XKR4: variants seen among roughly 807,000 people sequenced by gnomAD.
XKR4 encodes the protein XK related 4.
In XKR4, 12 loss-of-function variants were observed where a neutral mutation model predicts 53.9. The observed-to-expected ratio is 0.22, with a 90% CI of 0.14 to 0.36. The LOEUF (loss-of-function observed/expected upper bound fraction) is 0.36, where lower values mean the gene tolerates loss of function less well. Among genes scored for constraint, XKR4 ranks in the 10% least tolerant of loss-of-function variants. XKR4 has a pLI of 1.00. For synonymous variants in XKR4, 354 were observed against 362.4 expected (o/e 0.98, Z 0.26); for missense variants, 799 against 859.5 (o/e 0.93, Z 0.88).
chr8:55,179,062 G>A (rs1046919762), intron 1 of XKR4, among the ~76,000 whole-genome samples: 1 of 152,128 alleles, frequency 6.6e-6, no homozygotes, highest in African/African-American at 2.4e-5. Flanking sequence ...GAGGAAGAGG[G>A]CTTAAATATG....
At chr8:55,169,362 T>G (rs1431942927) in intron 1 of XKR4, among the ~76,000 whole-genome samples, 2 of 152,230 alleles carry the variant, frequency 1.3e-5, no homozygotes, top group Non-Finnish European at 2.9e-5. Flanking sequence ...ATGGCAGTAA[T>G]GCCCATCCGT....
At chr8:55,289,851 G>GGAAAGAAAAAGAAA in intron 1 of XKR4, among the ~76,000 whole-genome samples, 1 of 135,706 alleles carries the variant, frequency 7.4e-6, no homozygotes, top group East Asian at 2.2e-4. Context: ...AAAGAAAGAA[G>GGAAAGAAAAAGAAA]GAAAGAAAGA....
At chr8:55,466,164 G>T (rs954524397) in intron 2 of XKR4, among the ~76,000 whole-genome samples, 3 of 152,132 alleles carry the variant, frequency 2.0e-5, no homozygotes, top group African/African-American at 7.2e-5. Context: ...TATAAATCAT[G>T]CTGCTATAAA....
chr8:55,373,504 C>A (rs990991300), intron 2 of XKR4, among the ~76,000 whole-genome samples: 1 of 152,142 alleles, frequency 6.6e-6, no homozygotes, highest in African/African-American at 2.4e-5. Flanking sequence ...ATAGTATTAC[C>A]GGTTCAAATG....
chr8:55,140,172 CT>C, intron 1 of XKR4: 1 of 429,180 alleles, frequency 2.3e-6, no homozygotes, highest in South Asian at 1.7e-5. Flanking sequence ...GACTGAGTGT[CT>C]TTTCTTCTTT....
At chr8:55,177,108 C>G (rs554564828) in intron 1 of XKR4, among the ~76,000 whole-genome samples, 94 of 151,730 alleles carry the variant, frequency 6.2e-4, no homozygotes, top group African/African-American at 2.3e-3. Context: ...ACGATCTAAG[C>G]TCACTGCAAC....
intron 1 of XKR4, among the ~76,000 whole-genome samples, chr8:55,261,275 T>C: frequency 6.6e-6 from 1 of 152,128 alleles, no homozygotes; most frequent in Admixed American, 6.5e-5. Flanking sequence ...GGAAAAGAAA[T>C]GGGTCAGACA....
chr8:55,393,738 C>T (rs1563339666), intron 2 of XKR4, among the ~76,000 whole-genome samples: 1 of 152,132 alleles, frequency 6.6e-6, no homozygotes, highest in East Asian at 1.9e-4. Context: ...GCTGAAAATC[C>T]TAAACATAGA....
chr8:55,519,195 A>G (rs1462194126), intron 2 of XKR4, among the ~76,000 whole-genome samples: 1 of 152,162 alleles, frequency 6.6e-6, no homozygotes, highest in Admixed American at 6.5e-5. Context: ...CTTATCACCT[A>G]TTTTCACATT....
intron 1 of XKR4, among the ~76,000 whole-genome samples, chr8:55,222,054 C>T (rs1817888545): frequency 6.6e-6 from 1 of 152,194 alleles, no homozygotes; most frequent in Non-Finnish European, 1.5e-5. Context: ...AGAGTGCCCC[C>T]TGCCCACTTA....
chr8:55,171,504 AGC>A (rs1422734609), intron 1 of XKR4, among the ~76,000 whole-genome samples: 1 of 152,156 alleles, frequency 6.6e-6, no homozygotes, highest in African/African-American at 2.4e-5. Context: ...CCTGGTGACC[AGC>A]TTAGGTCTCC....
chr8:55,333,738 A>T lies in XKR4; in HGVS notation c.807-23940A>T, dbSNP rs141437643. ...GTGACACAGAGACCATTATCTGAAG[A>T]TGTCCCCAGACAAGGTAGAATGTTA... On this transcript the variant is annotated intron_variant, in intron 1 of 2. Coordinates refer to ENST00000327381, the MANE Select transcript of XKR4 (RefSeq NM_052898.2). 1.5e-4 allele frequency among the ~76,000 whole-genome samples: 23 copies of T among 152,240 alleles called. No individual in the cohort carries two copies. The East Asian group carries it at 4.4e-3, about 29-fold the overall frequency.
intron 1 of XKR4, among the ~76,000 whole-genome samples, chr8:55,207,760 CA>C (rs1306950860): frequency 4.7e-5 from 1 of 21,166 alleles, no homozygotes. Flanking sequence ...AAGAGGAATA[CA>C]GGGGGAGGGG....
intron 1 of XKR4, among the ~76,000 whole-genome samples, chr8:55,262,825 A>G (rs1818546170): frequency 6.6e-6 from 1 of 152,258 alleles, no homozygotes; most frequent in African/African-American, 2.4e-5. Flanking sequence ...AGGATGTGAG[A>G]TCAAGAAACT....
chr8:55,182,042 C>T (rs1317866089), intron 1 of XKR4, among the ~76,000 whole-genome samples: 1 of 152,166 alleles, frequency 6.6e-6, no homozygotes, highest in East Asian at 1.9e-4. Context: ...GACTTACTTG[C>T]TATCCATTAT....
intron 2 of XKR4, among the ~76,000 whole-genome samples, chr8:55,413,968 C>A (rs1324196573): frequency 1.3e-5 from 2 of 152,128 alleles, no homozygotes; most frequent in African/African-American, 2.4e-5. Context: ...ATGATATGTA[C>A]CCATTGTTAC....
intron 2 of XKR4, among the ~76,000 whole-genome samples, chr8:55,398,791 C>G (rs889281377): frequency 6.6e-6 from 1 of 152,170 alleles, no homozygotes; most frequent in Non-Finnish European, 1.5e-5. Context: ...ATGTTAAAGC[C>G]AAATAAAACA....
intron 2 of XKR4, among the ~76,000 whole-genome samples, chr8:55,412,029 C>T (rs1419832420): frequency 6.6e-6 from 1 of 152,142 alleles, no homozygotes; most frequent in Non-Finnish European, 1.5e-5. Context: ...CTCTTTATGG[C>T]AGTTGAAAAT....
intron 2 of XKR4, among the ~76,000 whole-genome samples, chr8:55,499,176 T>C (rs1806400492): frequency 6.6e-6 from 1 of 152,194 alleles, no homozygotes; most frequent in Non-Finnish European, 1.5e-5. Flanking sequence ...GGCACCAAAG[T>C]TAAACATTAA....
Sources: gnomAD v4.1 joint callset for allele counts (sites outside exome capture counted in the v4.1 genomes callset) on GRCh38, gnomAD v4.1.1 for gene constraint, MANE v1.5 for transcripts, NCBI Gene and HGNC (gene_info 2026-07-23, HGNC 2026-07-21) for gene names.